KCTD8: variants seen among roughly 807,000 people sequenced by gnomAD.
KCTD8 encodes BTB/POZ domain-containing protein KCTD8.
A neutral mutation model predicts 31.5 loss-of-function variants in KCTD8; 27 were observed. That is an observed-to-expected ratio of 0.86 (90% CI 0.63 to 1.18). KCTD8 has a LOEUF of 1.18. Ranked by LOEUF, KCTD8 falls within the 50% of genes most tolerant of loss-of-function variation. The pLI, the probability that KCTD8 is intolerant of heterozygous loss-of-function variation, is 0.00. For missense variants in KCTD8, 658 were observed against 647.7 expected (o/e 1.02, Z -0.17); for synonymous variants, 290 against 280.0 (o/e 1.04, Z -0.36).
chr4:44,336,168 A>G (rs1718739091), intron 1 of KCTD8, among the ~76,000 whole-genome samples: 3 of 148,944 alleles, frequency 2.0e-5, no homozygotes, highest in Admixed American at 6.7e-5. Context: ...AAAAAAAAAA[A>G]AAAAAAAAGA....
At chr4:44,324,761 T>C (rs991021186) in intron 1 of KCTD8, among the ~76,000 whole-genome samples, 1 of 151,996 alleles carries the variant, frequency 6.6e-6, no homozygotes, top group Admixed American at 6.5e-5. Flanking sequence ...GATAAACATG[T>C]TATTTTCTTA....
At chr4:44,289,488 T>A (rs1268985197) in intron 1 of KCTD8, among the ~76,000 whole-genome samples, 4 of 151,984 alleles carry the variant, frequency 2.6e-5, no homozygotes, top group African/African-American at 9.7e-5. Context: ...ACAGAGGCAA[T>A]GCAGACCCTG....
chr4:44,272,141 A>ATATATATATATATATATATATAT (rs1716631369), intron 1 of KCTD8, among the ~76,000 whole-genome samples: 27 of 149,718 alleles, frequency 1.8e-4, no homozygotes, highest in African/African-American at 6.4e-4. Flanking sequence ...ATATATATAT[A>ATATATATATATATATATATATAT]AATGCTGAAC....
At chr4:44,302,785 C>A (rs1260410542) in intron 1 of KCTD8, among the ~76,000 whole-genome samples, 1 of 151,868 alleles carries the variant, frequency 6.6e-6, no homozygotes, top group African/African-American at 2.4e-5. Context: ...GAGGGCATCC[C>A]TGTCTTGTGC....
chr4:44,307,129 T>C (rs182016846), intron 1 of KCTD8, among the ~76,000 whole-genome samples: 2 of 152,058 alleles, frequency 1.3e-5, no homozygotes, highest in East Asian at 3.9e-4. Context: ...TATTAGGAGG[T>C]ATCCAGTCAC....
chr4:44,184,605 ACTC>A (rs973276243), intron 1 of KCTD8, among the ~76,000 whole-genome samples: 5 of 151,798 alleles, frequency 3.3e-5, no homozygotes, highest in Admixed American at 1.3e-4. Context: ...TTAATTGTAA[ACTC>A]CTCAAAAGCA....
At chr4:44,395,101 C>T (rs895482593) in intron 1 of KCTD8, among the ~76,000 whole-genome samples, 1 of 152,096 alleles carries the variant, frequency 6.6e-6, no homozygotes, top group Non-Finnish European at 1.5e-5. Flanking sequence ...CAGAAGACTT[C>T]CTCCAATGGT....
chr4:44,337,669 A>T (rs112537375), intron 1 of KCTD8, among the ~76,000 whole-genome samples: 1,148 of 105,660 alleles, frequency 0.011, 17 homozygotes, highest in African/African-American at 0.04. Flanking sequence ...GCAAGACTCG[A>T]TCTCAAAAAA....
intron 1 of KCTD8, among the ~76,000 whole-genome samples, chr4:44,203,036 T>C (rs1374561012): frequency 6.6e-6 from 1 of 152,112 alleles, no homozygotes; most frequent in Non-Finnish European, 1.5e-5. Context: ...ATCCTACATT[T>C]TCATTTGATA....
intron 1 of KCTD8, among the ~76,000 whole-genome samples, chr4:44,321,620 C>T (rs1332794395): frequency 1.3e-5 from 2 of 152,158 alleles, no homozygotes; most frequent in Non-Finnish European, 2.9e-5. Flanking sequence ...TTACAATATC[C>T]TTCTAGCTAT....
At position 44,270,319 on chromosome 4, in the gene KCTD8, C is replaced by T. The variant is rs112958681; in HGVS notation, c.962-95069G>A. ...AAAAACCAAACACTGCATGTTCTCA[C>T]TCATAGATGGGAATTGAACAATGAG... On this transcript the variant is annotated intron_variant, in intron 1 of 1. Transcript: ENST00000360029. 9.7e-3 allele frequency among the ~76,000 whole-genome samples: 1,374 copies of T among 142,254 alleles called. 19 individuals carry two copies. The highest frequency in any genetic ancestry group is 0.033 in the African/African-American group (1,286 of 38,716). 93.3% of individuals were successfully genotyped at this position (142,254 alleles called of 152,430 possible).
chr4:44,199,958 A>G (rs1199571566), intron 1 of KCTD8, among the ~76,000 whole-genome samples: 1 of 151,950 alleles, frequency 6.6e-6, no homozygotes, highest in African/African-American at 2.4e-5. Flanking sequence ...GCAATCAGAA[A>G]TCATGAAGAT....
chr4:44,242,899 C>A (rs1370330297), intron 1 of KCTD8, among the ~76,000 whole-genome samples: 1 of 152,054 alleles, frequency 6.6e-6, no homozygotes, highest in Non-Finnish European at 1.5e-5. Context: ...AGTAAAAGCT[C>A]CCTGAGACTG....
chr4:44,299,856 C>G (rs1375619953), intron 1 of KCTD8, among the ~76,000 whole-genome samples: 1 of 148,516 alleles, frequency 6.7e-6, no homozygotes, highest in East Asian at 2.0e-4. Flanking sequence ...GGGTTCACAT[C>G]TTTCTCCTGC....
intron 1 of KCTD8, among the ~76,000 whole-genome samples, chr4:44,212,409 C>T (rs1577833518): frequency 6.6e-6 from 1 of 152,088 alleles, no homozygotes; most frequent in East Asian, 1.9e-4. Context: ...GAAATTAGTT[C>T]CAAGACCCCT....
intron 1 of KCTD8, among the ~76,000 whole-genome samples, chr4:44,440,341 G>A (rs1261028430): frequency 6.6e-6 from 1 of 152,000 alleles, no homozygotes; most frequent in Non-Finnish European, 1.5e-5. Flanking sequence ...CCATATTTTA[G>A]TTAACATTTT....
At chr4:44,333,975 G>A (rs1419540522) in intron 1 of KCTD8, among the ~76,000 whole-genome samples, 1 of 152,022 alleles carries the variant, frequency 6.6e-6, no homozygotes, top group Non-Finnish European at 1.5e-5. Flanking sequence ...ACTGTTAGAA[G>A]CATGAGAAAA....
chr4:44,226,433 G>T (rs764817292), intron 1 of KCTD8, among the ~76,000 whole-genome samples: 2 of 152,126 alleles, frequency 1.3e-5, no homozygotes, highest in Non-Finnish European at 2.9e-5. Flanking sequence ...TCTTTATCTG[G>T]TCTATCATTG....
chr4:44,394,343 A>G (rs1052498280), intron 1 of KCTD8, among the ~76,000 whole-genome samples: 2 of 152,076 alleles, frequency 1.3e-5, no homozygotes, highest in African/African-American at 4.8e-5. Context: ...ATTTGAGTAC[A>G]TATCTTCTTT....
Sources: allele counts gnomAD v4.1 joint callset (sites outside exome capture counted in the v4.1 genomes callset), GRCh38; gene constraint gnomAD v4.1.1; transcripts MANE v1.5; gene names NCBI Gene and HGNC (gene_info 2026-07-23, HGNC 2026-07-21).